The following TLE4 variants were observed in gnomAD, a reference collection of about 807,000 sequenced individuals.
The protein encoded by TLE4 is transducin-like enhancer protein 4.
A neutral mutation model predicts 92.8 loss-of-function variants in TLE4; 8 were observed. The observed-to-expected ratio is 0.09, with a 90% CI of 0.05 to 0.16. The LOEUF is 0.16. TLE4 is among the 10% of genes least tolerant of loss of function. TLE4 has a pLI of 1.00. For missense variants in TLE4, 675 were observed against 997.6 expected, an observed-to-expected ratio of 0.68 and a Z score of 4.36; for synonymous variants, 371 against 374.1, an observed-to-expected ratio of 0.99 and a Z score of 0.10.
chr9:79,636,705 T>C (rs1015575566), intron 6 of TLE4, among the ~76,000 whole-genome samples: 1 of 152,186 alleles, frequency 6.6e-6, no homozygotes, highest in African/African-American at 2.4e-5. Context: ...TTAACCTGTT[T>C]TATTGTCGTC....
chr9:79,711,285 A>G (rs1222268124), intron 14 of TLE4, among the ~76,000 whole-genome samples: 1 of 151,830 alleles, frequency 6.6e-6, no homozygotes, highest in Non-Finnish European at 1.5e-5. Context: ...ATAAATATCA[A>G]TTACCATAAA....
chr9:79,625,210 G>A (rs1236524498), intron 5 of TLE4, among the ~76,000 whole-genome samples: 1 of 150,898 alleles, frequency 6.6e-6, no homozygotes, highest in African/African-American at 2.4e-5. Context: ...TAGTAGAGAC[G>A]GGGTTTCGCC....
chr9:79,701,611 G>A (rs2069900176), intron 8 of TLE4, among the ~76,000 whole-genome samples: 1 of 152,054 alleles, frequency 6.6e-6, no homozygotes. Flanking sequence ...GCATCTAAAG[G>A]TAAGTAAAGG....
chr9:79,707,857 T>C (rs1399175817), intron 11 of TLE4, among the ~76,000 whole-genome samples: 1 of 152,210 alleles, frequency 6.6e-6, no homozygotes, highest in East Asian at 1.9e-4. Context: ...GTGAGCCTCA[T>C]CTGACTCAGA....
At chr9:79,612,774 A>G (rs961901009) in intron 5 of TLE4, 56 bp downstream of exon 5, 12 of 1,459,348 alleles carry the variant, frequency 8.2e-6, no homozygotes, top group African/African-American at 4.2e-5. Flanking sequence ...GTGGTTTTGC[A>G]GAAAAGGGAT....
chr9:79,722,393 C>T, intron 17 of TLE4, 58 bp from the exon 18 acceptor site: 12 of 1,581,640 alleles, frequency 7.6e-6, no homozygotes, highest in Non-Finnish European at 9.5e-6. Flanking sequence ...TAGTACCTCC[C>T]AGATAAAAGA....
intron 11 of TLE4, chr9:79,707,273 C>G: frequency 2.8e-6 from 4 of 1,420,362 alleles, no homozygotes; most frequent in Non-Finnish European, 4.0e-6. Flanking sequence ...GTTTGAATTA[C>G]CAAGCTACAT....
At chr9:79,704,951 C>A (rs368426177) in intron 9 of TLE4, 49 bp downstream of exon 9, 13 of 1,608,810 alleles carry the variant, frequency 8.1e-6, no homozygotes, top group Non-Finnish European at 1.0e-5. Context: ...GCCTTTTTAT[C>A]TGCAGCCATT....
chr9:79,630,395 A>T (rs2053855555), intron 6 of TLE4, among the ~76,000 whole-genome samples: 1 of 152,238 alleles, frequency 6.6e-6, no homozygotes, highest in Admixed American at 6.5e-5. Context: ...CTGTTGATAG[A>T]TTGAAATAAG....
At chr9:79,676,797 A>G (rs545470564) in intron 8 of TLE4, among the ~76,000 whole-genome samples, 7 of 152,118 alleles carry the variant, frequency 4.6e-5, no homozygotes, top group Non-Finnish European at 8.8e-5. Flanking sequence ...ATTTTACTTG[A>G]TATTTAATAG....
intron 14 of TLE4, among the ~76,000 whole-genome samples, chr9:79,715,268 A>G (rs549157318): frequency 6.6e-6 from 1 of 152,316 alleles, no homozygotes; most frequent in South Asian, 2.1e-4. Flanking sequence ...AAGAATGTAT[A>G]ACACCATCTA....
chr9:79,608,303 G>A (rs1013990632), intron 4 of TLE4, among the ~76,000 whole-genome samples: 2 of 151,958 alleles, frequency 1.3e-5, no homozygotes, highest in African/African-American at 4.8e-5. Context: ...CTAGGGTCAG[G>A]CAAGATCAGT....
intron 8 of TLE4, among the ~76,000 whole-genome samples, chr9:79,669,371 G>A (rs925025903): frequency 4.6e-5 from 7 of 152,124 alleles, no homozygotes; most frequent in Non-Finnish European, 8.8e-5. Context: ...TAAGTAGTGA[G>A]GCCAGAAAAA....
intron 14 of TLE4, among the ~76,000 whole-genome samples, chr9:79,713,080 A>C (rs997965276): frequency 2.0e-5 from 3 of 152,226 alleles, no homozygotes; most frequent in Non-Finnish European, 2.9e-5. Flanking sequence ...TCGTATTTCA[A>C]TGTAAAATAC....
chr9:79,634,781 A>C (rs2055272720), intron 6 of TLE4, among the ~76,000 whole-genome samples: 1 of 152,176 alleles, frequency 6.6e-6, no homozygotes, highest in African/African-American at 2.4e-5. Flanking sequence ...TTTACTTAGC[A>C]TAAGGCATTT....
At chr9:79,624,832 C>T (rs933627552) in intron 5 of TLE4, among the ~76,000 whole-genome samples, 1 of 152,104 alleles carries the variant, frequency 6.6e-6, no homozygotes, top group East Asian at 1.9e-4. Context: ...GGAAACTATT[C>T]TTTGAATACT....
chr9:79,600,905 T>C (rs574943682), intron 4 of TLE4, among the ~76,000 whole-genome samples: 42 of 152,260 alleles, frequency 2.8e-4, no homozygotes, highest in Middle Eastern at 3.4e-3. Flanking sequence ...GTCGCATGAG[T>C]AGGCCCTTTC....
Position 79,573,719 on chromosome 9 carries a change from T to A in TLE4, c.76T>A (p.Phe26Ile). The A allele has an allele frequency of 2.5e-6, 4 of 1,607,736 alleles. No individual in the cohort carries two copies. The highest frequency in any genetic ancestry group is 3.4e-6 in the Non-Finnish European group (4 of 1,175,274). ...GCATCAGCCTGCTCAACCCTTTAAA[T>A]TTACAATTTCCGAATCCTGTGATCG... ...APHQPAQPFK[F>I]TISESCDRIK... The change falls in exon 2 of 20, where the codon TTT becomes ATT. Residue 26 changes from phenylalanine (F) to isoleucine (I), a missense_variant. Phe to Ile is a conservative substitution (Grantham distance 21, BLOSUM62 0). This residue lies in a region of TLE4 where 38 missense variants were observed against 33.5 expected (regional missense o/e 1.14). Coordinates refer to ENST00000376552, the MANE Select transcript of TLE4 (RefSeq NM_007005.6).
chr9:79,690,425 T>A (rs2066804177), intron 8 of TLE4, among the ~76,000 whole-genome samples: 1 of 152,228 alleles, frequency 6.6e-6, no homozygotes, highest in Admixed American at 6.5e-5. Flanking sequence ...TTCTTTAACA[T>A]CTGTCTTAAG....
Sources: allele counts gnomAD v4.1 joint callset (sites outside exome capture counted in the v4.1 genomes callset), GRCh38; gene constraint gnomAD v4.1.1; regional missense constraint gnomAD v4.1.1; transcripts MANE v1.5; gene names NCBI Gene and HGNC (gene_info 2026-07-23, HGNC 2026-07-21).